Variants in TBC1D22A observed in about 807,000 individuals in gnomAD.
The protein encoded by TBC1D22A is putative GTPase activator.
Under a neutral mutation model 60.2 loss-of-function variants are expected in TBC1D22A, and 38 were observed. The observed-to-expected ratio is 0.63, with a 90% CI of 0.49 to 0.83. The LOEUF is 0.83. TBC1D22A is among the 40% of genes least tolerant of loss of function. TBC1D22A has a pLI of 0.00. For missense variants in TBC1D22A, 628 were observed against 701.0 expected (o/e 0.90, Z 1.18); for synonymous variants, 302 against 281.7 (o/e 1.07, Z -0.72).
chr22:47,001,118 T>C (rs567522676), intron 10 of TBC1D22A, among the ~76,000 whole-genome samples: 15 of 152,172 alleles, frequency 9.9e-5, no homozygotes, highest in African/African-American at 3.6e-4. Flanking sequence ...TAGTGACACG[T>C]GAGGGCAAAG....
At chr22:46,985,034 A>G (rs899779390) in intron 9 of TBC1D22A, among the ~76,000 whole-genome samples, 13 of 152,108 alleles carry the variant, frequency 8.5e-5, no homozygotes, top group African/African-American at 3.1e-4. Context: ...AGCCTCCGCC[A>G]TGAGTTCAGG....
chr22:47,081,800 A>G (rs1054557874), intron 11 of TBC1D22A, among the ~76,000 whole-genome samples: 2 of 151,640 alleles, frequency 1.3e-5, no homozygotes, highest in Non-Finnish European at 2.9e-5. Context: ...AGAAATAGAA[A>G]AAGATCTAAA....
chr22:47,173,161 A>G (rs2068555187), intron 12 of TBC1D22A, among the ~76,000 whole-genome samples: 1 of 152,212 alleles, frequency 6.6e-6, no homozygotes. Context: ...CCCTGCCACG[A>G]CATCTCAGAT....
chr22:46,998,277 T>C (rs1282702535), intron 10 of TBC1D22A, among the ~76,000 whole-genome samples: 1 of 152,134 alleles, frequency 6.6e-6, no homozygotes, highest in Non-Finnish European at 1.5e-5. Flanking sequence ...TAGCAGAGTT[T>C]AATTAAATGG....
chr22:46,975,090 T>C (rs1208417744), intron 9 of TBC1D22A, among the ~76,000 whole-genome samples: 1 of 152,190 alleles, frequency 6.6e-6, no homozygotes, highest in East Asian at 1.9e-4. Flanking sequence ...AGCCAGCTGA[T>C]ACTACAGAGG....
At chr22:46,898,102 G>A (rs2068781657) in intron 7 of TBC1D22A, among the ~76,000 whole-genome samples, 1 of 152,034 alleles carries the variant, frequency 6.6e-6, no homozygotes, top group African/African-American at 2.4e-5. Flanking sequence ...TTTAAAAATG[G>A]GAAATAGAGC....
chr22:46,901,871 G>A (rs1025400746), intron 7 of TBC1D22A, among the ~76,000 whole-genome samples: 2 of 152,148 alleles, frequency 1.3e-5, no homozygotes, highest in African/African-American at 2.4e-5. Flanking sequence ...TCTCCATGGC[G>A]CTTTGTATAC....
chr22:46,989,582 C>T lies in TBC1D22A; in HGVS notation c.1126-8052C>T, dbSNP rs60960041. Among the ~76,000 whole-genome samples, 1,131 of 152,086 alleles carry T rather than the reference C, an allele frequency of 7.4e-3. 14 individuals carry two copies. Among genetic ancestry groups the T allele is most frequent in the African/African-American group, 0.025 (1,045 of 41,448 alleles). On this transcript the variant is annotated intron_variant, in intron 9 of 12. Coordinates refer to ENST00000337137, the MANE Select transcript of TBC1D22A (RefSeq NM_014346.5). ...AGAGAGATGGGGAACTGCCGGTCAGCGGGGCAGTTGGAACACACACAAAAC... is the reference window on the plus strand; with the variant it reads ...AGAGAGATGGGGAACTGCCGGTCAGTGGGGCAGTTGGAACACACACAAAAC...
intron 12 of TBC1D22A, among the ~76,000 whole-genome samples, chr22:47,153,264 A>G (rs1359785637): frequency 1.3e-5 from 2 of 152,224 alleles, no homozygotes; most frequent in Non-Finnish European, 2.9e-5. Context: ...GCTCACGTTC[A>G]TGAACTGAGT....
intron 12 of TBC1D22A, among the ~76,000 whole-genome samples, chr22:47,114,305 G>A (rs2065953786): frequency 6.6e-6 from 1 of 152,178 alleles, no homozygotes; most frequent in South Asian, 2.1e-4. Context: ...CACTCTGAGA[G>A]CCTGTGGGGC....
intron 10 of TBC1D22A, among the ~76,000 whole-genome samples, chr22:47,014,526 C>G (rs1422184543): frequency 3.9e-5 from 6 of 152,212 alleles, no homozygotes. Flanking sequence ...CTCCAGTGCT[C>G]AGCGCTCACT....
chr22:47,035,449 T>C (rs1030144625), intron 10 of TBC1D22A, among the ~76,000 whole-genome samples: 3 of 152,200 alleles, frequency 2.0e-5, no homozygotes, highest in South Asian at 2.1e-4. Context: ...TTTGCTGTTC[T>C]GCTCCACCCA....
chr22:47,041,375 G>A (rs566460830), intron 11 of TBC1D22A, among the ~76,000 whole-genome samples: 9 of 152,298 alleles, frequency 5.9e-5, no homozygotes, highest in African/African-American at 2.2e-4. Flanking sequence ...CTCTCCCGAG[G>A]GTCAGAGCCG....
At chr22:46,840,695 T>C (rs2147213824) in intron 4 of TBC1D22A, among the ~76,000 whole-genome samples, 1 of 151,076 alleles carries the variant, frequency 6.6e-6, no homozygotes, top group East Asian at 1.9e-4. Context: ...ATTGCGCCAC[T>C]GTACTCCAGC....
chr22:47,061,726 G>T (rs988301007), intron 11 of TBC1D22A, among the ~76,000 whole-genome samples: 1 of 152,028 alleles, frequency 6.6e-6, no homozygotes, highest in African/African-American at 2.4e-5. Context: ...TTTGTGTAGT[G>T]GAGTGGTTTG....
chr22:47,090,304 C>T (rs1232257432), intron 11 of TBC1D22A, among the ~76,000 whole-genome samples: 1 of 150,764 alleles, frequency 6.6e-6, no homozygotes, highest in Non-Finnish European at 1.5e-5. Flanking sequence ...GATATAGGCA[C>T]AGGAGACCCA....
At chr22:46,972,972 C>T (rs935591176) in intron 8 of TBC1D22A, among the ~76,000 whole-genome samples, 3 of 152,180 alleles carry the variant, frequency 2.0e-5, no homozygotes, top group Non-Finnish European at 4.4e-5. Context: ...GGCCCTCGAG[C>T]GCCCAGCTGC....
intron 9 of TBC1D22A, among the ~76,000 whole-genome samples, chr22:46,997,231 T>C (rs544711789): frequency 3.4e-4 from 52 of 152,350 alleles, no homozygotes; most frequent in African/African-American, 1.2e-3. Flanking sequence ...ACCTTTGCCG[T>C]TGGTTCCCGG....
At chr22:46,958,796 A>T (rs2073345461) in intron 8 of TBC1D22A, among the ~76,000 whole-genome samples, 1 of 152,162 alleles carries the variant, frequency 6.6e-6, no homozygotes, top group Non-Finnish European at 1.5e-5. Context: ...GGGAATTAGC[A>T]TTTCTTTCTA....
Sources: gnomAD v4.1 joint callset for allele counts (sites outside exome capture counted in the v4.1 genomes callset) on GRCh38, gnomAD v4.1.1 for gene constraint, MANE v1.5 for transcripts, NCBI Gene and HGNC (gene_info 2026-07-23, HGNC 2026-07-21) for gene names.